DTX1: variants seen among roughly 807,000 people sequenced by gnomAD.
DTX1 encodes deltex E3 ubiquitin ligase 1.
A neutral mutation model predicts 57.8 loss-of-function variants in DTX1; 26 were observed. The ratio of observed to expected loss-of-function variants is 0.45; its 90% CI spans 0.33 to 0.62. The LOEUF (loss-of-function observed/expected upper bound fraction) is 0.62, where lower values mean the gene tolerates loss of function less well. DTX1 is among the 20% of genes least tolerant of loss of function. The probability of loss-of-function intolerance (pLI) is 0.02; values close to 1 mark genes in which losing one functional copy is unlikely to be tolerated. For missense variants in DTX1, 704 were observed against 895.3 expected, an observed-to-expected ratio of 0.79 and a Z score of 2.73; for synonymous variants, 398 against 394.1, an observed-to-expected ratio of 1.01 and a Z score of -0.12.
intron 2 of DTX1, among the ~76,000 whole-genome samples, chr12:113,068,262 A>G (rs1035042572): frequency 2.6e-5 from 4 of 152,244 alleles, no homozygotes; most frequent in Admixed American, 1.3e-4. Context: ...AGGGATGCCA[A>G]GGTGACTGTA....
In DTX1 at chr12:113,093,661, G is replaced by A. The variant is rs1474749620; in HGVS notation, c.1126G>A (p.Gly376Arg). The change falls in exon 5 of 10, where the codon GGG (glycine) becomes AGG (arginine). Residue 376 changes from glycine to arginine, a missense_variant. Coordinates refer to ENST00000548759, the MANE Select transcript of DTX1 (RefSeq NM_004416.3). The surrounding 1 kb of genome is among the most constrained non-coding windows in gnomAD (Gnocchi z 4.2). The stretch of plus-strand genomic sequence containing the variant: ...CGTGAAGCCCGTGCCTGGCGTGCCC[G>A]GGGTGTGCCGCAAGACCAAGAAGAA... Reference protein sequence around the residue: ...SDVKPVPGVPGVCRKTKKKHL... With the variant: ...SDVKPVPGVPRVCRKTKKKHL... The A allele has an allele frequency of 2.5e-6, 4 of 1,613,588 alleles. No individual in the cohort carries two copies. Among genetic ancestry groups the A allele is most frequent in the African/African-American group, 1.3e-5 (1 of 74,886 alleles).
intron 2 of DTX1, among the ~76,000 whole-genome samples, chr12:113,058,766 A>C (rs2136421198): frequency 6.6e-6 from 1 of 152,380 alleles, no homozygotes; most frequent in African/African-American, 2.4e-5. Context: ...CACTGAGCAC[A>C]GAACCTAGAA....
chr12:113,093,478 G>C lies in DTX1; in HGVS notation c.1004-61G>C, dbSNP rs1950261764. 1.6e-6 allele frequency: 2 copies of C among 1,286,006 alleles called. No individual in the cohort carries two copies. The highest frequency in any genetic ancestry group is 2.1e-6 in the Non-Finnish European group (2 of 963,122). 79.7% of individuals were successfully genotyped at this position (1,286,006 alleles called of 1,614,324 possible). ...GAGGGCCCCGGGATTCCCAGGGCCA[G>C]TGGTCGGGGGTTTGGGCGGGGATGG... On this transcript the variant is annotated intron_variant, in intron 4 of 9. Transcript: ENST00000548759. This position sits in a 1 kb window ranked among gnomAD's most constrained non-coding sequence, Gnocchi z 4.2.
At chr12:113,069,553 T>G (rs141508768) in intron 2 of DTX1, among the ~76,000 whole-genome samples, 1 of 152,112 alleles carries the variant, frequency 6.6e-6, no homozygotes, top group Non-Finnish European at 1.5e-5. Context: ...GCCTGATGAA[T>G]CCCAGAGGAG....
chr12:113,075,085 A>C (rs1160054247), intron 2 of DTX1, among the ~76,000 whole-genome samples: 1 of 152,168 alleles, frequency 6.6e-6, no homozygotes, highest in Non-Finnish European at 1.5e-5. Flanking sequence ...CACGGTATTT[A>C]TCTCAATTGA....
intron 3 of DTX1, among the ~76,000 whole-genome samples, chr12:113,082,175 A>T (rs2044823001): frequency 6.6e-6 from 1 of 152,082 alleles, no homozygotes; most frequent in East Asian, 1.9e-4. Flanking sequence ...AAAACAGAAG[A>T]TGTGGGGTGG....
Position 113,077,331 on chromosome 12 carries a change from C to CA in DTX1, c.260-93_260-92insA. 1.1e-5 allele frequency: 15 copies of CA among 1,417,440 alleles called. No individual in the cohort carries two copies. The highest frequency in any genetic ancestry group is 9.3e-6 in the Non-Finnish European group (10 of 1,069,544). The allele number at this position is 1,417,440 out of a possible 1,614,324, so 87.8% of individuals were successfully genotyped here. A position where few individuals can be genotyped will look rare whatever the true frequency, so the allele number is the denominator to read the frequency against. ...TGGAGGCCTGTGCTGACCCCCCAACCTCCCGCCCACCCTTGCCTGGCTGTG... is the reference window on the plus strand; with the variant it reads ...TGGAGGCCTGTGCTGACCCCCCAACCATCCCGCCCACCCTTGCCTGGCTGTG... On this transcript the variant is annotated intron_variant, in intron 2 of 9. Coordinates refer to ENST00000548759, the MANE Select transcript of DTX1 (RefSeq NM_004416.3). This position sits in a 1 kb window ranked among gnomAD's most constrained non-coding sequence, Gnocchi z 7.8.
In DTX1 at chr12:113,093,553, C is replaced by T. The variant is rs757308877; in HGVS notation, c.1018C>T (p.Leu340=). Residue 340 remains leucine, a synonymous_variant, in exon 5 of 10, where the codon CTG becomes TTG. Transcript: ENST00000548759. The surrounding 1 kb of genome is among the most constrained non-coding windows in gnomAD (Gnocchi z 4.2). The stretch of plus-strand genomic sequence containing the variant: ...CTAACCCCCAGGGATGACCGGGATA[C>T]TGCTGTGCGCGGCCGGGCTGCCCGT... ...HPALAGMTGI[L]LCAAGLPVCL... 1.2e-6 allele frequency: 2 copies of T among 1,608,290 alleles called. No individual in the cohort carries two copies. The highest frequency in any genetic ancestry group is 1.7e-6 in the Non-Finnish European group (2 of 1,177,694).
chr12:113,090,298 G>A (rs1950237164), intron 3 of DTX1, among the ~76,000 whole-genome samples: 1 of 152,140 alleles, frequency 6.6e-6, no homozygotes, highest in African/African-American at 2.4e-5. Context: ...AGTATAGAGA[G>A]GGAGGAAGTT....
At chr12:113,092,718 G>C (rs1950257431) in intron 3 of DTX1, among the ~76,000 whole-genome samples, 1 of 152,192 alleles carries the variant, frequency 6.6e-6, no homozygotes, top group African/African-American at 2.4e-5. Flanking sequence ...AGACAGTGAC[G>C]TGTTCCTAAC....
intron 3 of DTX1, among the ~76,000 whole-genome samples, chr12:113,081,687 C>G (rs538464331): frequency 1.3e-5 from 2 of 151,916 alleles, no homozygotes; most frequent in African/African-American, 2.4e-5. Flanking sequence ...CAAGGGGGCT[C>G]GAAGGGCGTG....
At chr12:113,079,563 T>G (rs1330540813) in intron 3 of DTX1, among the ~76,000 whole-genome samples, 1 of 135,204 alleles carries the variant, frequency 7.4e-6, no homozygotes, top group Non-Finnish European at 1.5e-5. Flanking sequence ...AGTTTCACTC[T>G]GTTGCCCAGG....
intron 3 of DTX1, among the ~76,000 whole-genome samples, chr12:113,078,309 T>C (rs986705910): frequency 6.6e-6 from 1 of 152,148 alleles, no homozygotes; most frequent in Non-Finnish European, 1.5e-5. Context: ...TCTCCATGCA[T>C]AAGGACCCTA....
intron 3 of DTX1, among the ~76,000 whole-genome samples, chr12:113,089,104 A>C (rs1389178134): frequency 6.6e-6 from 1 of 152,210 alleles, no homozygotes; most frequent in Non-Finnish European, 1.5e-5. Context: ...GGAGTGTGCC[A>C]TGAGGATATC....
intron 2 of DTX1, among the ~76,000 whole-genome samples, chr12:113,064,005 G>A (rs2044683723): frequency 6.6e-6 from 1 of 152,188 alleles, no homozygotes; most frequent in Non-Finnish European, 1.5e-5. Context: ...GACATTTAAT[G>A]CCAGGGCTGA....
intron 2 of DTX1, among the ~76,000 whole-genome samples, chr12:113,074,210 CAGAG>C (rs1467093326): frequency 3.3e-5 from 5 of 152,148 alleles, no homozygotes; most frequent in Non-Finnish European, 7.3e-5. Context: ...GGCTGGGTGA[CAGAG>C]AAAGACTCTC....
Position 113,077,283 on chromosome 12 carries a change from T to TC in DTX1, c.260-137dup. 1 of 934,800 alleles carries TC rather than the reference T, an allele frequency of 1.1e-6. No individual in the cohort carries two copies. The highest frequency in any genetic ancestry group is 1.6e-6 in the Non-Finnish European group (1 of 642,022). The allele number at this position is 934,800 out of a possible 1,614,324, so 57.9% of individuals were successfully genotyped here. A position where few individuals can be genotyped will look rare whatever the true frequency, so the allele number is the denominator to read the frequency against. On this transcript the variant is annotated intron_variant, in intron 2 of 9. Transcript: ENST00000548759. The surrounding 1 kb of genome is among the most constrained non-coding windows in gnomAD (Gnocchi z 7.8). The stretch of plus-strand genomic sequence containing the variant: ...CCTCTCCGTGCATGTGTTGACCCTC[T>TC]CCCCAAGTCTGGGTGGACCCCCTGG...
chr12:113,095,076 T>C lies in DTX1; in HGVS notation c.1421T>C (p.Ile474Thr). The C allele has an allele frequency of 1.2e-6, 2 of 1,613,360 alleles. No homozygotes were observed. The highest frequency in any genetic ancestry group is 1.7e-6 in the Non-Finnish European group (2 of 1,179,446). ...GSLQCPTCKAIYGEKTGTQPP... is the reference protein window; with the variant it reads ...GSLQCPTCKATYGEKTGTQPP... ...CTGCAGTGCCCCACCTGCAAGGCCA[T>C]CTACGGGGAGAAGACGGGTACGCAG... Residue 474 changes from isoleucine to threonine, a missense_variant, in exon 8 of 10, where the codon ATC becomes ACC. This residue lies in a region of DTX1 where 168 missense variants were observed against 255.6 expected (regional missense o/e 0.66). Coordinates refer to ENST00000548759, the MANE Select transcript of DTX1 (RefSeq NM_004416.3).
At chr12:113,069,244 T>TC (rs1213123964) in intron 2 of DTX1, among the ~76,000 whole-genome samples, 1 of 151,832 alleles carries the variant, frequency 6.6e-6, no homozygotes, top group African/African-American at 2.4e-5. Context: ...CTCTGTCCCC[T>TC]CCCCCTCCAC....
Sources: allele counts gnomAD v4.1 joint callset (sites outside exome capture counted in the v4.1 genomes callset), GRCh38; gene constraint gnomAD v4.1.1; regional missense constraint gnomAD v4.1.1; non-coding constraint Gnocchi (gnomAD v3.1); transcripts MANE v1.5; gene names NCBI Gene and HGNC (gene_info 2026-07-23, HGNC 2026-07-21).